LDB2: variants seen among roughly 807,000 people sequenced by gnomAD.
The protein encoded by LDB2 is LIM domain-binding protein 2.
A neutral mutation model predicts 44.3 loss-of-function variants in LDB2; 12 were observed. The ratio of observed to expected loss-of-function variants is 0.27; its 90% CI spans 0.17 to 0.44. The LOEUF (loss-of-function observed/expected upper bound fraction) is 0.44. LDB2 is among the 20% of genes least tolerant of loss of function. The probability of loss-of-function intolerance (pLI) is 1.00; values close to 1 mark genes in which losing one functional copy is unlikely to be tolerated. For missense variants in LDB2, 344 were observed against 473.5 expected (o/e 0.73, Z 2.54); for synonymous variants, 164 against 174.8 (o/e 0.94, Z 0.49).
rs149686320 is a variant in LDB2 at position 16,518,907 on chromosome 4, C to T, written c.616-6803G>A. On this transcript the variant is annotated intron_variant, in intron 5 of 7. Coordinates refer to ENST00000304523, the MANE Select transcript of LDB2 (RefSeq NM_001290.5). ...GCTCCTTTACTTGTTGCGAACCAGT[C>T]GCCCACACTAAGTCACACCATCTGA... Among the ~76,000 whole-genome samples the T allele has an allele frequency of 1.7e-3, 262 of 152,298 alleles. 1 individual carries two copies. Among genetic ancestry groups the T allele is most frequent in the African/African-American group, 5.6e-3 (231 of 41,570 alleles).
chr4:16,769,638 T>C (rs1299135560), intron 1 of LDB2, among the ~76,000 whole-genome samples: 1 of 151,896 alleles, frequency 6.6e-6, no homozygotes, highest in African/African-American at 2.4e-5. Flanking sequence ...ACTCATGTTC[T>C]AGAGACTGAA....
At chr4:16,813,303 A>G (rs1251811844) in intron 1 of LDB2, among the ~76,000 whole-genome samples, 1 of 152,158 alleles carries the variant, frequency 6.6e-6, no homozygotes, top group Non-Finnish European at 1.5e-5. Context: ...ACTCATTTGT[A>G]TGATAAGACT....
At chr4:16,553,725 A>C (rs1738464952) in intron 5 of LDB2, among the ~76,000 whole-genome samples, 1 of 152,178 alleles carries the variant, frequency 6.6e-6, no homozygotes, top group Admixed American at 6.5e-5. Context: ...AGCAGTTCTT[A>C]ACAGTGAAGA....
intron 2 of LDB2, among the ~76,000 whole-genome samples, chr4:16,704,352 T>C (rs1754137967): frequency 6.6e-6 from 1 of 152,246 alleles, no homozygotes; most frequent in Non-Finnish European, 1.5e-5. Flanking sequence ...CAGATAGCTA[T>C]ATTATTGTTA....
rs564342033 is a variant in LDB2 at position 16,734,032 on chromosome 4, A to T, written c.235+25126T>A. Reference sequence around the variant, plus strand: ...GAACAGAGTTTGTATTCAACAATAAAATCTGAGTTCAAATTTTGACTTGGC... The same window carrying T: ...GAACAGAGTTTGTATTCAACAATAATATCTGAGTTCAAATTTTGACTTGGC... On this transcript the variant is annotated intron_variant, in intron 2 of 7. Transcript: ENST00000304523. Among the ~76,000 whole-genome samples the T allele has an allele frequency of 6.6e-5, 10 of 152,300 alleles. No individual in the cohort carries two copies. The East Asian group carries it at 1.7e-3, about 26-fold the overall frequency.
At chr4:16,705,186 C>T (rs1232076783) in intron 2 of LDB2, among the ~76,000 whole-genome samples, 1 of 152,134 alleles carries the variant, frequency 6.6e-6, no homozygotes, top group African/African-American at 2.4e-5. Context: ...GTCGTGTGCC[C>T]TTCCTACTTC....
chr4:16,645,199 A>G lies in LDB2; in HGVS notation c.236-49324T>C, dbSNP rs182510363. Among the ~76,000 whole-genome samples the G allele has an allele frequency of 5.3e-4, 81 of 152,334 alleles. 1 individual carries two copies. The highest frequency in any genetic ancestry group is 1.1e-3 in the Admixed American group (17 of 15,292). ...TAATTCAGAGTCTAAGCTAATTCAC[A>G]CAGTGGCTGAGGTTTCCTTTTACAA... On this transcript the variant is annotated intron_variant, in intron 2 of 7. Transcript: ENST00000304523.
intron 1 of LDB2, chr4:16,888,792 T>C: frequency 2.5e-6 from 2 of 812,358 alleles, no homozygotes; most frequent in South Asian, 1.1e-4. Context: ...ATGCATTTAT[T>C]CTTTACTTTG....
At chr4:16,790,089 G>A (rs1160258495) in intron 1 of LDB2, among the ~76,000 whole-genome samples, 1 of 152,114 alleles carries the variant, frequency 6.6e-6, no homozygotes, top group Non-Finnish European at 1.5e-5. Flanking sequence ...CCTTTTGAAA[G>A]GTCTACAATG....
intron 2 of LDB2, among the ~76,000 whole-genome samples, chr4:16,654,581 C>G (rs1238781160): frequency 1.3e-5 from 2 of 152,146 alleles, no homozygotes; most frequent in African/African-American, 4.8e-5. Context: ...AAAGGAAGCC[C>G]TGGTCCATTC....
chr4:16,692,643 T>C (rs2152604378), intron 2 of LDB2, among the ~76,000 whole-genome samples: 1 of 152,318 alleles, frequency 6.6e-6, no homozygotes, highest in Non-Finnish European at 1.5e-5. Context: ...TTTGGAATTT[T>C]CCACTCCCCA....
chr4:16,623,664 C>T (rs930166511), intron 2 of LDB2, among the ~76,000 whole-genome samples: 2 of 151,856 alleles, frequency 1.3e-5, no homozygotes, highest in African/African-American at 4.8e-5. Context: ...TTAAGTGATA[C>T]TTGAAGATAC....
rs565553403 is a variant in LDB2 at position 16,814,145 on chromosome 4, C to T, written c.133-54885G>A. Among the ~76,000 whole-genome samples the T allele has an allele frequency of 1.1e-3, 161 of 152,310 alleles. 1 individual carries two copies. The highest frequency in any genetic ancestry group is 6.8e-3 in the Middle Eastern group (2 of 294). ...TCGGCCTTCCAAAGTGTTGGGATTACAGGCGTGAGCCACCGCACCCGGCCA... is the reference window on the plus strand; with the variant it reads ...TCGGCCTTCCAAAGTGTTGGGATTATAGGCGTGAGCCACCGCACCCGGCCA... On this transcript the variant is annotated intron_variant, in intron 1 of 7. Coordinates refer to ENST00000304523, the MANE Select transcript of LDB2 (RefSeq NM_001290.5).
At chr4:16,582,000 GGGAA>G (rs35585551) in intron 5 of LDB2, among the ~76,000 whole-genome samples, 23,686 of 102,684 alleles carry the variant, frequency 0.23, 2,326 homozygotes, top group East Asian at 0.29. Context: ...AGGGAAGGAA[GGGAA>G]GGAAGGAAGG....
At chr4:16,833,047 C>T (rs1007341532) in intron 1 of LDB2, among the ~76,000 whole-genome samples, 1 of 152,208 alleles carries the variant, frequency 6.6e-6, no homozygotes, top group Admixed American at 6.5e-5. Context: ...CAATGCTCCA[C>T]TGTTGGACAA....
intron 5 of LDB2, among the ~76,000 whole-genome samples, chr4:16,552,668 A>G (rs1738091783): frequency 6.6e-6 from 1 of 152,204 alleles, no homozygotes. Flanking sequence ...TGACTGCTTT[A>G]ATATCAAATC....
intron 5 of LDB2, among the ~76,000 whole-genome samples, chr4:16,524,295 G>A (rs1727397539): frequency 6.6e-6 from 1 of 152,190 alleles, no homozygotes; most frequent in African/African-American, 2.4e-5. Flanking sequence ...GGAGAGACAG[G>A]TGATAAACAA....
intron 3 of LDB2, among the ~76,000 whole-genome samples, chr4:16,591,873 C>CA (rs1357713450): frequency 2.7e-5 from 4 of 147,610 alleles, no homozygotes; most frequent in Middle Eastern, 6.9e-3. Flanking sequence ...TGAAGTCGGC[C>CA]TTTTTTTTTT....
intron 2 of LDB2, among the ~76,000 whole-genome samples, chr4:16,604,873 C>T (rs888495294): frequency 6.6e-6 from 1 of 152,150 alleles, no homozygotes; most frequent in Non-Finnish European, 1.5e-5. Context: ...TTCTCTTATG[C>T]ACACATATAC....
Sources: gnomAD v4.1 joint callset for allele counts (sites outside exome capture counted in the v4.1 genomes callset) on GRCh38, gnomAD v4.1.1 for gene constraint, MANE v1.5 for transcripts, NCBI Gene and HGNC (gene_info 2026-07-23, HGNC 2026-07-21) for gene names.